The following MARS1 variants were observed in gnomAD, a reference collection of about 807,000 sequenced individuals.
MARS1 encodes methionine--tRNA ligase, cytoplasmic.
A neutral mutation model predicts 119.5 loss-of-function variants in MARS1; 80 were observed. The observed-to-expected ratio is 0.67, with a 90% CI of 0.56 to 0.81. The LOEUF (loss-of-function observed/expected upper bound fraction) is 0.81, where lower values mean the gene tolerates loss of function less well. Among genes scored for constraint, MARS1 ranks in the 30% least tolerant of loss-of-function variants. The pLI, the probability that MARS1 is intolerant of heterozygous loss-of-function variation, is 0.00. For missense variants in MARS1, 945 were observed against 1,116.5 expected, an observed-to-expected ratio of 0.85 and a Z score of 2.19; for synonymous variants, 418 against 433.4, an observed-to-expected ratio of 0.96 and a Z score of 0.44.
At chr12:57,504,051 G>C in intron 10 of MARS1, 174 bp from the exon 11 acceptor site, 1 of 600,716 alleles carries the variant, frequency 1.7e-6, no homozygotes. Flanking sequence ...GTTATACTGA[G>C]AAGATTTGAG....
At chr12:57,513,032 G>C (rs1877601877) in intron 15 of MARS1, 68 bp downstream of exon 15, 5 of 1,318,658 alleles carry the variant, frequency 3.8e-6, no homozygotes, top group Non-Finnish European at 5.5e-6. Context: ...TCAGGAGATG[G>C]GAATGTGGAG....
intron 10 of MARS1, 62 bp downstream of exon 10, chr12:57,500,584 T>C (rs577107621): frequency 6.7e-7 from 1 of 1,490,984 alleles, no homozygotes; most frequent in South Asian, 1.2e-5. Flanking sequence ...AGGGACGCCC[T>C]TCCTGTCCCA....
rs776501706 is a variant in MARS1, at chr12:57,516,472, A to T, written c.2594A>T (p.Asp865Val). ...CGAGAACTGAAAGCACAAAAGGCAG[A>T]CAAGAACGAGGTTGCTGCGGAGGTG... ...IVRELKAQKA[D>V]KNEVAAEVAK... The change falls in exon 21 of 21, where the codon GAC (aspartate) becomes GTC (valine). Residue 865 changes from aspartate (D) to valine (V), a missense_variant. Asp to Val is a radical substitution (Grantham distance 152). Transcript: ENST00000262027. The T allele has an allele frequency of 1.2e-6, 2 of 1,613,822 alleles. No individual in the cohort carries two copies.
chr12:57,505,164 G>T (rs1182826616), intron 11 of MARS1, among the ~76,000 whole-genome samples: 10 of 140,500 alleles, frequency 7.1e-5, no homozygotes, highest in East Asian at 4.1e-4. Context: ...CTCCTGATTT[G>T]TTTTTTTTTT....
rs1261595233 is a variant in MARS1, at chr12:57,516,261, A to G, written c.2480A>G (p.Lys827Arg). ...FGGGQAKTSP[K>R]PAVVETVTTA... ...GTTCTCCAGGCAAAAACGTCCCCGA[A>G]GCCAGCAGTTGTAGAGACTGTTACA... Residue 827 changes from lysine (K) to arginine (R), a missense_variant, in exon 20 of 21, where the codon AAG becomes AGG. Physicochemically the swap from Lys to Arg is conservative, Grantham distance 26 (BLOSUM62 2). Transcript: ENST00000262027. The G allele has an allele frequency of 3.7e-6, 6 of 1,614,220 alleles. No homozygotes were observed. The South Asian group carries it at 6.6e-5, about 18-fold the overall frequency.
chr12:57,507,960 C>T (rs1271372269), intron 11 of MARS1, among the ~76,000 whole-genome samples: 3 of 151,070 alleles, frequency 2.0e-5, no homozygotes, highest in Non-Finnish European at 2.9e-5. Context: ...GGCTGCCGGG[C>T]GGAGGGTCTC....
intron 7 of MARS1, among the ~76,000 whole-genome samples, chr12:57,492,300 T>G (rs1158920746): frequency 1.4e-5 from 2 of 139,300 alleles, no homozygotes; most frequent in African/African-American, 2.7e-5. Flanking sequence ...AAAAGTCCAA[T>G]GAAGGAAAAG....
intron 3 of MARS1, 35 bp from the exon 4 acceptor site, chr12:57,489,389 C>T (rs1565636764): frequency 5.6e-6 from 9 of 1,614,122 alleles, no homozygotes; most frequent in Non-Finnish European, 7.6e-6. Flanking sequence ...CCTTGTTCTG[C>T]GTGGCCATCC....
intron 7 of MARS1, among the ~76,000 whole-genome samples, chr12:57,493,807 A>AAATATATATTATAT (rs1565641186): frequency 5.5e-4 from 1 of 1,824 alleles, no homozygotes. Flanking sequence ...TATATTATAT[A>AAATATATATTATAT]ATGTATATTA....
rs747354935 is a variant in MARS1, at chr12:57,489,559, G to T, written c.414+1G>T. On this transcript the variant is annotated splice_donor_variant, in intron 4 of 20. Coordinates refer to ENST00000262027, the MANE Select transcript of MARS1 (RefSeq NM_004990.4). LOFTEE classifies it high-confidence loss of function. ...TCAGAACTGTCCTTTCCTGGCTGGGGTGAGTTGGGTCTTGAGATGAGGACT... is the reference window on the plus strand; with the variant it reads ...TCAGAACTGTCCTTTCCTGGCTGGGTTGAGTTGGGTCTTGAGATGAGGACT... The T allele has an allele frequency of 3.7e-6, 6 of 1,614,012 alleles. No individual in the cohort carries two copies. The Admixed American group carries it at 1.0e-4, about 27-fold the overall frequency.
intron 11 of MARS1, among the ~76,000 whole-genome samples, chr12:57,508,311 G>A (rs1877327858): frequency 6.6e-6 from 1 of 152,204 alleles, no homozygotes; most frequent in Non-Finnish European, 1.5e-5. Context: ...AAGGCAGGCA[G>A]CTGGGAGGTG....
chr12:57,513,405 G>A (rs1242314825), intron 15 of MARS1, among the ~76,000 whole-genome samples: 6 of 151,894 alleles, frequency 4.0e-5, no homozygotes, highest in Non-Finnish European at 1.5e-5. Context: ...GATCACTTGA[G>A]GCCGGGAGTT....
chr12:57,514,959 G>A lies in MARS1; in HGVS notation c.2105G>A (p.Arg702Gln), dbSNP rs371980114. Residue 702 changes from arginine (R) to glutamine (Q), a missense_variant, in exon 17 of 21, where the codon CGG becomes CAG. Arg to Gln is a conservative substitution (Grantham distance 43). Coordinates refer to ENST00000262027, the MANE Select transcript of MARS1 (RefSeq NM_004990.4). The stretch of plus-strand genomic sequence containing the variant: ...CCTGCTTCCTCCCTTCCCAGGATCC[G>A]GGATGCCTTGCGCAGTATCCTCACC... ...YHQLLEKVRI[R>Q]DALRSILTIS... The A allele has an allele frequency of 6.8e-6, 11 of 1,614,032 alleles. No homozygotes were observed. The highest frequency in any genetic ancestry group is 3.3e-5 in the South Asian group (3 of 91,090).
chr12:57,515,134 G>T lies in MARS1; in HGVS notation c.2205-16G>T. 2 of 1,614,168 alleles carry T rather than the reference G, an allele frequency of 1.2e-6. No homozygotes were observed. The highest frequency in any genetic ancestry group is 1.7e-6 in the Non-Finnish European group (2 of 1,180,018). ...TATCCTCCTGGAGGTCTTGACTAAT[G>T]TCTCCTCTTCCTCAGGCAACGGGCA... On this transcript the variant is annotated splice_polypyrimidine_tract_variant and intron_variant, in intron 17 of 20. Coordinates refer to ENST00000262027, the MANE Select transcript of MARS1 (RefSeq NM_004990.4).
At chr12:57,492,985 CCCTGGAATGCCA>C (rs1876065899) in intron 7 of MARS1, among the ~76,000 whole-genome samples, 1 of 151,922 alleles carries the variant, frequency 6.6e-6, no homozygotes, top group Non-Finnish European at 1.5e-5. Context: ...TGTTCCTTCT[CCCTGGAATGCCA>C]GCATCTTACC....
intron 19 of MARS1, 69 bp downstream of exon 19, chr12:57,516,060 T>C (rs752678737): frequency 2.7e-6 from 4 of 1,505,152 alleles, no homozygotes; most frequent in Non-Finnish European, 3.7e-6. Flanking sequence ...TTTCCCTAAG[T>C]AGTCCTCACC....
intron 7 of MARS1, among the ~76,000 whole-genome samples, chr12:57,493,796 T>TATAATA (rs1280558236): frequency 7.7e-4 from 1 of 1,296 alleles, no homozygotes; most frequent in African/African-American, 1.9e-3. Flanking sequence ...ATATTATATA[T>TATAATA]TATATTATAT....
chr12:57,505,159 G>A (rs2620680), intron 11 of MARS1, among the ~76,000 whole-genome samples: 146,825 of 150,916 alleles, frequency 0.97, 71,541 homozygotes, highest in East Asian at 1. Flanking sequence ...TTGACCTCCT[G>A]ATTTGTTTTT....
At position 57,489,960 on chromosome 12, in the gene MARS1, C is replaced by A; in HGVS notation, c.479C>A (p.Ala160Asp). ...GALYPLLQDPAYLPEELSALH... is the reference protein window; with the variant it reads ...GALYPLLQDPDYLPEELSALH... ...CTATACCCATTACTGCAAGATCCCGCCTACCTCCCTGGTGAGAACTGTGCA... is the reference window on the plus strand; with the variant it reads ...CTATACCCATTACTGCAAGATCCCGACTACCTCCCTGGTGAGAACTGTGCA... The change falls in exon 5 of 21, where the codon GCC becomes GAC. Residue 160 changes from alanine (A) to aspartate (D), a missense_variant. Coordinates refer to ENST00000262027, the MANE Select transcript of MARS1 (RefSeq NM_004990.4). 1.2e-6 allele frequency: 2 copies of A among 1,614,050 alleles called. No homozygotes were observed. Among genetic ancestry groups the A allele is most frequent in the Non-Finnish European group, 1.7e-6 (2 of 1,179,940 alleles).
Sources: allele counts gnomAD v4.1 joint callset (sites outside exome capture counted in the v4.1 genomes callset), GRCh38; gene constraint gnomAD v4.1.1; transcripts MANE v1.5; gene names NCBI Gene and HGNC (gene_info 2026-07-23, HGNC 2026-07-21).